LYRM4: variants seen among roughly 807,000 people sequenced by gnomAD.
LYRM4 encodes the protein LYR motif containing 4, also known as LYR motif-containing protein 4.
In LYRM4, 9 loss-of-function variants were observed where a neutral mutation model predicts 11.7. The observed-to-expected ratio is 0.77, with a 90% CI of 0.46 to 1.34. The LOEUF (loss-of-function observed/expected upper bound fraction) is 1.34, where lower values mean the gene tolerates loss of function less well. Among genes scored for constraint, LYRM4 ranks in the 40% most tolerant of loss-of-function variants. LYRM4 has a pLI of 0.00. For missense variants in LYRM4, 133 were observed against 112.5 expected (o/e 1.18, Z -0.82); for synonymous variants, 42 against 40.4 (o/e 1.04, Z -0.15).
the LYRM4 span, among the ~76,000 whole-genome samples, chr6:5,060,979 C>G: frequency 1.3e-5 from 2 of 152,116 alleles, no homozygotes; most frequent in East Asian, 3.9e-4. Context: ...CTATACTGTT[C>G]TGTGTTCTTA....
the LYRM4 span, chr6:5,085,519 G>C: frequency 6.5e-7 from 1 of 1,538,234 alleles, no homozygotes; most frequent in Non-Finnish European, 8.7e-7. Flanking sequence ...AAGTTTGGAG[G>C]CGCCGGGACC....
At chr6:5,061,360 C>T in the LYRM4 span, among the ~76,000 whole-genome samples, 21,960 of 152,182 alleles carry the variant, frequency 0.14, 1,737 homozygotes, top group African/African-American at 0.22. Context: ...GAACTGCCAC[C>T]TTTGTTTCAC....
chr6:5,036,537 A>G, the LYRM4 span, among the ~76,000 whole-genome samples: 1 of 152,190 alleles, frequency 6.6e-6, no homozygotes, highest in African/African-American at 2.4e-5. Flanking sequence ...CTGCTTGGCC[A>G]TGGTTTGTCC....
At chr6:5,069,758 C>T in the LYRM4 span, among the ~76,000 whole-genome samples, 6 of 152,142 alleles carry the variant, frequency 3.9e-5, no homozygotes, top group Admixed American at 6.5e-5. Flanking sequence ...GGATTATAGG[C>T]GTGAGCCACC....
chr6:5,085,692 G>T, the LYRM4 span: 1 of 1,547,994 alleles, frequency 6.5e-7, no homozygotes, highest in South Asian at 1.2e-5. Context: ...CCCCCCAGGA[G>T]CAGGAGGAGC....
intron 2 of LYRM4, among the ~76,000 whole-genome samples, chr6:5,203,758 T>C (rs1384220657): frequency 6.6e-6 from 1 of 152,186 alleles, no homozygotes; most frequent in Admixed American, 6.5e-5. Context: ...AGCCTGCAGC[T>C]GGGCAGGGCC....
chr6:5,162,620 G>A (rs1270374624), intron 2 of LYRM4, among the ~76,000 whole-genome samples: 1 of 152,178 alleles, frequency 6.6e-6, no homozygotes, highest in Non-Finnish European at 1.5e-5. Context: ...TATCTGTGAA[G>A]CCATCTGGTG....
chr6:5,178,791 T>C (rs2773335), intron 2 of LYRM4, among the ~76,000 whole-genome samples: 42,581 of 113,748 alleles, frequency 0.37, 8,485 homozygotes, highest in African/African-American at 0.59. Context: ...GGCGACAGAG[T>C]GAGACTCTGT....
At chr6:5,250,530 A>T (rs970739946) in intron 1 of LYRM4, among the ~76,000 whole-genome samples, 6 of 151,812 alleles carry the variant, frequency 4.0e-5, no homozygotes, top group African/African-American at 1.5e-4. Flanking sequence ...AGAGAAAAAA[A>T]TGTTTTTTGG....
the LYRM4 span, chr6:5,066,003 A>G: frequency 5.9e-6 from 2 of 340,308 alleles, no homozygotes; most frequent in South Asian, 6.8e-5. Flanking sequence ...ACCTCCCAAA[A>G]CAGTGCTTTC....
chr6:5,237,763 C>A (rs1168313265), intron 1 of LYRM4, among the ~76,000 whole-genome samples: 1 of 152,160 alleles, frequency 6.6e-6, no homozygotes, highest in Admixed American at 6.5e-5. Context: ...TGGTTACCTG[C>A]AAAATGCTTT....
chr6:5,258,590 C>T (rs952761643), intron 1 of LYRM4, among the ~76,000 whole-genome samples: 8 of 152,186 alleles, frequency 5.3e-5, no homozygotes, highest in Non-Finnish European at 7.3e-5. Flanking sequence ...TCACAAGACA[C>T]AGCCTTAATG....
chr6:5,230,773 C>T (rs1763189652), intron 1 of LYRM4, among the ~76,000 whole-genome samples: 1 of 152,102 alleles, frequency 6.6e-6, no homozygotes, highest in South Asian at 2.1e-4. Flanking sequence ...TTTATCCTTT[C>T]CAACAGCTAT....
intron 1 of LYRM4, among the ~76,000 whole-genome samples, chr6:5,255,311 AG>A (rs1353365869): frequency 6.6e-6 from 1 of 152,238 alleles, no homozygotes; most frequent in Admixed American, 6.5e-5. Flanking sequence ...TATGTGATAT[AG>A]CAACAAATTG....
the LYRM4 span, among the ~76,000 whole-genome samples, chr6:5,081,993 C>T: frequency 1.4e-3 from 216 of 152,312 alleles, 1 homozygote; most frequent in African/African-American, 5.0e-3. Context: ...CAGAGGGGCC[C>T]TGGAAGTCCC....
At chr6:5,231,115 A>G (rs960202401) in intron 1 of LYRM4, among the ~76,000 whole-genome samples, 3 of 152,154 alleles carry the variant, frequency 2.0e-5, no homozygotes, top group African/African-American at 7.2e-5. Flanking sequence ...TGTATCTACT[A>G]AAAATACAAA....
intron 2 of LYRM4, among the ~76,000 whole-genome samples, chr6:5,205,813 G>A (rs546701435): frequency 2.0e-5 from 3 of 152,238 alleles, no homozygotes; most frequent in African/African-American, 4.8e-5. Flanking sequence ...AACCTCATTC[G>A]TAAATGAGAT....
At chr6:5,198,248 C>A (rs1761184032) in intron 2 of LYRM4, among the ~76,000 whole-genome samples, 1 of 152,066 alleles carries the variant, frequency 6.6e-6, no homozygotes, top group Non-Finnish European at 1.5e-5. Context: ...GAGTTTTGGA[C>A]ATCACGGCTT....
chr6:5,245,116 ATATATAT>A (rs1764118703), intron 1 of LYRM4, among the ~76,000 whole-genome samples: 22 of 14,710 alleles, frequency 1.5e-3, no homozygotes, highest in South Asian at 3.4e-3. Flanking sequence ...AAAAAAAAAT[ATATATAT>A]ATATATATAT....
Sources: gnomAD v4.1 joint callset for allele counts (sites outside exome capture counted in the v4.1 genomes callset) on GRCh38, gnomAD v4.1.1 for gene constraint, MANE v1.5 for transcripts, NCBI Gene and HGNC (gene_info 2026-07-23, HGNC 2026-07-21) for gene names.